TTLL4: variants seen among roughly 807,000 people sequenced by gnomAD.
TTLL4 encodes tubulin monoglutamylase TTLL4.
A neutral mutation model predicts 122.7 loss-of-function variants in TTLL4; 85 were observed. That is an observed-to-expected ratio of 0.69 (90% CI 0.58 to 0.83). The LOEUF is 0.83. TTLL4 is among the 40% of genes least tolerant of loss of function. The probability of loss-of-function intolerance (pLI) is 0.00; values close to 1 mark genes in which losing one functional copy is unlikely to be tolerated. For missense variants in TTLL4, 1,363 were observed against 1,488.6 expected, an observed-to-expected ratio of 0.92 and a Z score of 1.39; for synonymous variants, 553 against 563.0, an observed-to-expected ratio of 0.98 and a Z score of 0.25.
intron 1 of TTLL4, among the ~76,000 whole-genome samples, chr2:218,715,009 A>G (rs1046673240): frequency 7.3e-5 from 11 of 151,454 alleles, no homozygotes; most frequent in Non-Finnish European, 1.0e-4. Context: ...CATTAACTGT[A>G]TGCTAACGTA....
rs1009428198 is a variant in TTLL4 at position 218,746,721 on chromosome 2, T to A, written c.1975-282T>A. The A allele has an allele frequency of 8.5e-6, 4 of 471,224 alleles. No homozygotes were observed. In the Admixed American group the frequency reaches 1.5e-4, roughly 18 times the overall value. The allele number at this position is 471,224 out of a possible 1,614,324, so 29.2% of individuals were successfully genotyped here. On this transcript the variant is annotated intron_variant, in intron 8 of 19. Coordinates refer to ENST00000392102, the MANE Select transcript of TTLL4 (RefSeq NM_014640.5). ...CTAAAGGCGAAATGCTTTTCTGTCCTCATCCCATAGGGTTTCATGGATAAA... is the reference window on the plus strand; with the variant it reads ...CTAAAGGCGAAATGCTTTTCTGTCCACATCCCATAGGGTTTCATGGATAAA...
chr2:218,718,101 T>C (rs1941921744), intron 1 of TTLL4, among the ~76,000 whole-genome samples: 2 of 152,208 alleles, frequency 1.3e-5, no homozygotes, highest in South Asian at 4.1e-4. Flanking sequence ...CTAACATAAC[T>C]GTTGAGCAGT....
In TTLL4 at chr2:218,747,547, C is replaced by T. The variant is rs1390558303; in HGVS notation, c.2250-50C>T. 1.2e-6 allele frequency: 2 copies of T among 1,605,722 alleles called. No individual in the cohort carries two copies. The highest frequency in any genetic ancestry group is 2.2e-5 in the East Asian group (1 of 44,822). On this transcript the variant is annotated intron_variant, in intron 10 of 19. Transcript: ENST00000392102. The surrounding 1 kb of genome is among the most constrained non-coding windows in gnomAD (Gnocchi z 4.7). ...GCTTTTCCTGTGGCTTGGTTACCCA[C>T]TGAGCCCCATCATCTGGCTGTATGA...
chr2:218,714,693 T>G (rs1941808229), intron 1 of TTLL4, among the ~76,000 whole-genome samples: 2 of 152,130 alleles, frequency 1.3e-5, no homozygotes, highest in South Asian at 2.1e-4. Flanking sequence ...CAGGATTTCT[T>G]TATGTACTTG....
intron 2 of TTLL4, among the ~76,000 whole-genome samples, chr2:218,731,225 A>T (rs1427598278): frequency 6.6e-6 from 1 of 152,136 alleles, no homozygotes; most frequent in African/African-American, 2.4e-5. Context: ...AGCCTAGTCA[A>T]CATAGTGAAA....
chr2:218,727,974 G>C (rs999273242), intron 2 of TTLL4: 1 of 152,092 alleles, frequency 6.6e-6, no homozygotes, highest in African/African-American at 2.4e-5. Context: ...TGTTTGTTTA[G>C]AGATTTTTTG....
At position 218,745,821 on chromosome 2, in the gene TTLL4, G is replaced by T. The variant is rs956360052; in HGVS notation, c.1897+20G>T. On this transcript the variant is annotated intron_variant, in intron 7 of 19. Coordinates refer to ENST00000392102, the MANE Select transcript of TTLL4 (RefSeq NM_014640.5). ...GCAAAAGTGAGTTGCTTGCCTTACT[G>T]TGAGCCTGTCCTTTTGCCCCAAATA... 1.9e-6 allele frequency: 3 copies of T among 1,601,094 alleles called. No homozygotes were observed. In the African/African-American group the frequency reaches 4.0e-5, roughly 21 times the overall value.
At chr2:218,745,846 A>G in intron 7 of TTLL4, 45 bp downstream of exon 7, 2 of 1,546,288 alleles carry the variant, frequency 1.3e-6, no homozygotes, top group Non-Finnish European at 1.8e-6. Flanking sequence ...TGCCCCAAAT[A>G]GATGGGCTTT....
At chr2:218,712,312 T>C in intron 1 of TTLL4, among the ~76,000 whole-genome samples, 1 of 152,176 alleles carries the variant, frequency 6.6e-6, no homozygotes, top group East Asian at 1.9e-4. Flanking sequence ...TAATCAGGGT[T>C]GTAGACTTCC....
intron 2 of TTLL4, among the ~76,000 whole-genome samples, chr2:218,734,818 C>T (rs1029037700): frequency 1.4e-4 from 22 of 152,120 alleles, no homozygotes; most frequent in African/African-American, 5.3e-4. Context: ...CACATGCATG[C>T]GTGCTTGTAG....
intron 3 of TTLL4, among the ~76,000 whole-genome samples, chr2:218,739,626 A>G (rs1397355653): frequency 2.0e-5 from 3 of 152,242 alleles, no homozygotes; most frequent in Non-Finnish European, 4.4e-5. Flanking sequence ...CATTCTTGGC[A>G]TGACAGCCAT....
intron 1 of TTLL4, among the ~76,000 whole-genome samples, chr2:218,718,663 C>A (rs919890119): frequency 1.3e-5 from 2 of 152,194 alleles, no homozygotes; most frequent in South Asian, 4.1e-4. Context: ...CAGGCATGAA[C>A]CACTGCGCCC....
intron 1 of TTLL4, among the ~76,000 whole-genome samples, chr2:218,715,443 A>G (rs1476461943): frequency 6.6e-6 from 1 of 152,194 alleles, no homozygotes; most frequent in Non-Finnish European, 1.5e-5. Flanking sequence ...TTAGATCCAT[A>G]CATGATTCTG....
At chr2:218,757,151 CCTT>C (rs1288893946), downstream of TTLL4, among the ~76,000 whole-genome samples, 1 of 152,184 alleles carries the variant, frequency 6.6e-6, no homozygotes, top group Admixed American at 6.5e-5. Context: ...CATGGTCACA[CCTT>C]CTCCACTTGC....
At chr2:218,737,550 A>T (rs1345154653) in intron 2 of TTLL4, 29 bp from the exon 3 acceptor site, 25 of 1,152,564 alleles carry the variant, frequency 2.2e-5, no homozygotes, top group Non-Finnish European at 2.9e-5. Context: ...TGGCACTGTA[A>T]CATTTCCTAT....
chr2:218,743,172 G>T (rs1181041229), intron 5 of TTLL4, among the ~76,000 whole-genome samples: 2 of 151,364 alleles, frequency 1.3e-5, no homozygotes, highest in Non-Finnish European at 2.9e-5. Context: ...ACAGAACGTT[G>T]TCATCACTGT....
At chr2:218,714,635 T>C (rs1166879218) in intron 1 of TTLL4, among the ~76,000 whole-genome samples, 2 of 152,126 alleles carry the variant, frequency 1.3e-5, no homozygotes, top group Non-Finnish European at 2.9e-5. Flanking sequence ...TAGAGAAGCA[T>C]AGTGCTTCTC....
chr2:218,749,966 T>G, intron 14 of TTLL4, 43 bp from the exon 15 acceptor site: 2 of 1,606,272 alleles, frequency 1.2e-6, no homozygotes, highest in Non-Finnish European at 1.7e-6. Flanking sequence ...AGAGACTGTT[T>G]CGGAGTGCTG....
rs768341970 is a variant in TTLL4 at position 218,738,539 on chromosome 2, C to T, written c.863C>T (p.Ser288Phe). The T allele has an allele frequency of 6.2e-7, 1 of 1,614,178 alleles. No homozygotes were observed. The highest frequency in any genetic ancestry group is 1.1e-5 in the South Asian group (1 of 91,088). ...GATGCCAGTGCCCATATCGCCTTGT[C>T]TACCGCTAGCTCCCACGACACATCC... is the stretch of plus-strand genomic sequence containing the variant. The part of the protein sequence containing the change: ...PADASAHIAL[S>F]TASSHDTSTT... Residue 288 changes from serine to phenylalanine, a missense_variant, in exon 3 of 20, where the codon TCT (serine) becomes TTT (phenylalanine). Around this residue, in one of 3 missense-constraint regions of TTLL4, gnomAD observed 760 missense variants for 808.4 expected, o/e 0.94. Transcript: ENST00000392102.
Sources: allele counts gnomAD v4.1 joint callset (sites outside exome capture counted in the v4.1 genomes callset), GRCh38; gene constraint gnomAD v4.1.1; regional missense constraint gnomAD v4.1.1; non-coding constraint Gnocchi (gnomAD v3.1); transcripts MANE v1.5; gene names NCBI Gene and HGNC (gene_info 2026-07-23, HGNC 2026-07-21).